The following ANKRD17 variants were observed in gnomAD, a reference collection of about 807,000 sequenced individuals.
The protein encoded by ANKRD17 is ankyrin repeat domain-containing protein 17.
A neutral mutation model predicts 229.7 loss-of-function variants in ANKRD17; 19 were observed. The ratio of observed to expected loss-of-function variants is 0.08; its 90% CI spans 0.06 to 0.12. The LOEUF (loss-of-function observed/expected upper bound fraction) is 0.12, where lower values mean the gene tolerates loss of function less well. Among genes scored for constraint, ANKRD17 ranks in the 10% least tolerant of loss-of-function variants. The pLI is 1.00. For synonymous variants in ANKRD17, 1,112 were observed against 1,146.1 expected (o/e 0.97, Z 0.60); for missense variants, 2,176 against 3,176.8 (o/e 0.68, Z 7.57).
At chr4:73,222,536 T>C (rs1162796684) in intron 1 of ANKRD17, among the ~76,000 whole-genome samples, 1 of 152,112 alleles carries the variant, frequency 6.6e-6, no homozygotes, top group Non-Finnish European at 1.5e-5. Flanking sequence ...ACATGCTTAG[T>C]TTAAAGCTAA....
intron 1 of ANKRD17, among the ~76,000 whole-genome samples, chr4:73,226,492 C>A (rs1258470082): frequency 7.6e-6 from 1 of 132,000 alleles, no homozygotes; most frequent in African/African-American, 2.8e-5. Flanking sequence ...CCTCTGGATT[C>A]AAGCAATTCT....
At chr4:73,083,789 C>T (rs557097594) in intron 30 of ANKRD17, among the ~76,000 whole-genome samples, 4 of 152,110 alleles carry the variant, frequency 2.6e-5, no homozygotes, top group African/African-American at 9.6e-5. Flanking sequence ...TCATTGCAGG[C>T]TACAATTTAC....
At chr4:73,122,116 A>C (rs1278310055) in intron 18 of ANKRD17, among the ~76,000 whole-genome samples, 1 of 152,188 alleles carries the variant, frequency 6.6e-6, no homozygotes, top group African/African-American at 2.4e-5. Flanking sequence ...ATGTGAATGT[A>C]TTTAACATAT....
At chr4:73,179,518 A>ATATATATATTTTT (rs1192164276) in intron 1 of ANKRD17, among the ~76,000 whole-genome samples, 34 of 40,744 alleles carry the variant, frequency 8.3e-4, no homozygotes, top group Non-Finnish European at 1.1e-3. Context: ...ATATATATAT[A>ATATATATATTTTT]TTTTTTTTTT....
At chr4:73,151,334 G>C (rs905616952) in intron 7 of ANKRD17, 96 bp downstream of exon 7, 2 of 1,082,882 alleles carry the variant, frequency 1.8e-6, no homozygotes, top group East Asian at 5.2e-5. Context: ...CTGACAAACA[G>C]AATCATAGCA....
In ANKRD17 at chr4:73,142,313, G is replaced by A; in HGVS notation, c.2158C>T (p.Pro720Ser). 1 of 1,571,622 alleles carries A rather than the reference G, an allele frequency of 6.4e-7. No homozygotes were observed. The highest frequency in any genetic ancestry group is 2.3e-5 in the East Asian group (1 of 43,894). Residue 720 changes from proline to serine, a missense_variant, in exon 13 of 34, where the codon CCT becomes TCT. Coordinates refer to ENST00000358602, the MANE Select transcript of ANKRD17 (RefSeq NM_032217.5). ...TSVVCYLLDYPNNLLSAPPPD... is the reference protein window; with the variant it reads ...TSVVCYLLDYSNNLLSAPPPD... ...GGAGGGGCTGAAAGCAAGTTATTAG[G>A]ATAATCCAAGAGATAGCAAACAACA...
At chr4:73,154,773 G>A (rs918425747) in intron 5 of ANKRD17, among the ~76,000 whole-genome samples, 1 of 152,126 alleles carries the variant, frequency 6.6e-6, no homozygotes, top group Non-Finnish European at 1.5e-5. Flanking sequence ...CGGGCGCGGT[G>A]GCTCACGCCT....
chr4:73,083,506 A>C (rs1721778783), intron 30 of ANKRD17, among the ~76,000 whole-genome samples: 1 of 152,248 alleles, frequency 6.6e-6, no homozygotes, highest in South Asian at 2.1e-4. Flanking sequence ...TATTCCTTGA[A>C]CTATTCTTTA....
intron 3 of ANKRD17, among the ~76,000 whole-genome samples, chr4:73,157,315 G>T (rs1047905160): frequency 6.6e-6 from 1 of 152,044 alleles, no homozygotes; most frequent in African/African-American, 2.4e-5. Context: ...TTTTGGTTTT[G>T]AAAGTATTTA....
chr4:73,171,800 A>G (rs140400918), intron 2 of ANKRD17, among the ~76,000 whole-genome samples: 144 of 152,298 alleles, frequency 9.5e-4, no homozygotes, highest in African/African-American at 3.2e-3. Context: ...GAGTCTCTTA[A>G]TAGCAGAATT....
chr4:73,102,204 G>A (rs894131681), intron 25 of ANKRD17, among the ~76,000 whole-genome samples, 172 bp downstream of exon 25: 2 of 151,940 alleles, frequency 1.3e-5, no homozygotes, highest in Admixed American at 6.6e-5. Context: ...CAAGTGACTC[G>A]CTCACCTTGA....
chr4:73,211,433 T>C (rs371374070), intron 1 of ANKRD17, among the ~76,000 whole-genome samples: 1 of 152,202 alleles, frequency 6.6e-6, no homozygotes, highest in Non-Finnish European at 1.5e-5. Flanking sequence ...AGCTTTAGTT[T>C]GATTCTTAAA....
At chr4:73,223,065 T>C in intron 1 of ANKRD17, 2 of 1,535,136 alleles carry the variant, frequency 1.3e-6, no homozygotes. Context: ...TGCACTATGA[T>C]TAGATCATTG....
At chr4:73,095,780 C>T (rs1723229588) in intron 27 of ANKRD17, among the ~76,000 whole-genome samples, 1 of 151,924 alleles carries the variant, frequency 6.6e-6, no homozygotes, top group Admixed American at 6.6e-5. Context: ...GCCTCAAACT[C>T]CTGGGCATAA....
chr4:73,223,093 C>G, intron 1 of ANKRD17: 1 of 1,505,750 alleles, frequency 6.6e-7, no homozygotes, highest in South Asian at 1.2e-5. Flanking sequence ...GAACACTCCT[C>G]TGTGTCAGCA....
In ANKRD17 at chr4:73,258,412, C is replaced by T; in HGVS notation, c.257G>A (p.Ser86Asn). The T allele has an allele frequency of 2.5e-6, 4 of 1,611,028 alleles. No individual in the cohort carries two copies. The highest frequency in any genetic ancestry group is 2.5e-6 in the Non-Finnish European group (3 of 1,179,502). The change falls in exon 1 of 34, where the codon AGC becomes AAC. Residue 86 changes from serine (S) to asparagine (N), a missense_variant. Around this residue, in one of 18 missense-constraint regions of ANKRD17, gnomAD observed 196 missense variants for 190.0 expected, o/e 1.03. Coordinates refer to ENST00000358602, the MANE Select transcript of ANKRD17 (RefSeq NM_032217.5). ...RNRTCRPPSS[S>N]ESSSDSDNSG... The stretch of plus-strand genomic sequence containing the variant: ...GTTGTCGCTGTCGCTGCTGCTTTCG[C>T]TGCTGCTGGGGGGTCGGCAAGTCCG...
At chr4:73,103,132 T>C (rs185435872) in intron 24 of ANKRD17, among the ~76,000 whole-genome samples, 1 of 151,790 alleles carries the variant, frequency 6.6e-6, no homozygotes, top group African/African-American at 2.4e-5. Context: ...ACAGTATATA[T>C]TCACAGAATA....
At chr4:73,152,717 G>A (rs1302544794) in intron 6 of ANKRD17, among the ~76,000 whole-genome samples, 1 of 151,954 alleles carries the variant, frequency 6.6e-6, no homozygotes, top group Non-Finnish European at 1.5e-5. Flanking sequence ...GCCAGTACTG[G>A]GTTCAAAAGT....
In ANKRD17 at chr4:73,207,488, T is replaced by C. The variant is rs576296735; in HGVS notation, c.394-29955A>G. On this transcript the variant is annotated intron_variant, in intron 1 of 33. Transcript: ENST00000358602. ...AATTAAAGGGCAGATATTGACAGTT[T>C]GTATAAAAAGGCAAGAGCTATCGAC... 5.4e-4 allele frequency among the ~76,000 whole-genome samples: 83 copies of C among 152,300 alleles called. 1 individual carries two copies. The South Asian group carries it at 0.016, about 29-fold the overall frequency.
Sources: allele counts gnomAD v4.1 joint callset (sites outside exome capture counted in the v4.1 genomes callset), GRCh38; gene constraint gnomAD v4.1.1; regional missense constraint gnomAD v4.1.1; transcripts MANE v1.5; gene names NCBI Gene and HGNC (gene_info 2026-07-23, HGNC 2026-07-21).